GAREM1: variants seen among roughly 807,000 people sequenced by gnomAD.
The protein encoded by GAREM1 is GRB2-associated and regulator of MAPK protein 1.
A neutral mutation model predicts 71.3 loss-of-function variants in GAREM1; 26 were observed. That is an observed-to-expected ratio of 0.36 (90% CI 0.27 to 0.51). GAREM1 has a LOEUF of 0.51. Among genes scored for constraint, GAREM1 ranks in the 20% least tolerant of loss-of-function variants. GAREM1 has a pLI of 0.95. For missense variants in GAREM1, 1,026 were observed against 1,103.1 expected, an observed-to-expected ratio of 0.93 and a Z score of 0.99; for synonymous variants, 440 against 433.2, an observed-to-expected ratio of 1.02 and a Z score of -0.20.
intron 2 of GAREM1, among the ~76,000 whole-genome samples, chr18:32,322,554 A>G (rs183731101): frequency 1.5e-4 from 23 of 152,346 alleles, no homozygotes; most frequent in Admixed American, 1.2e-3. Context: ...ACAGATTTTT[A>G]TCAAAGCATG....
At chr18:32,296,263 C>T (rs886912662) in intron 3 of GAREM1, among the ~76,000 whole-genome samples, 4 of 152,076 alleles carry the variant, frequency 2.6e-5, no homozygotes, top group African/African-American at 9.7e-5. Flanking sequence ...GCCCAGGTAG[C>T]TTTTTATTTG....
At chr18:32,269,320 A>G (rs948454231) in intron 5 of GAREM1, among the ~76,000 whole-genome samples, 1 of 152,244 alleles carries the variant, frequency 6.6e-6, no homozygotes, top group Non-Finnish European at 1.5e-5. Context: ...AAAGATTTAA[A>G]TGTCCAGAGA....
chr18:32,430,870 A>T (rs2048617499), intron 1 of GAREM1, among the ~76,000 whole-genome samples: 1 of 152,192 alleles, frequency 6.6e-6, no homozygotes, highest in South Asian at 2.1e-4. Flanking sequence ...AATTGTGGGG[A>T]GTGCAGGGCA....
intron 1 of GAREM1, among the ~76,000 whole-genome samples, chr18:32,431,725 AT>A (rs1420794750): frequency 1.3e-5 from 2 of 152,212 alleles, no homozygotes; most frequent in Non-Finnish European, 2.9e-5. Flanking sequence ...CAAATACCAA[AT>A]TGGGTGAGCT....
At chr18:32,308,544 T>C (rs192882983) in intron 3 of GAREM1, among the ~76,000 whole-genome samples, 2 of 150,152 alleles carry the variant, frequency 1.3e-5, no homozygotes, top group Middle Eastern at 3.4e-3. Flanking sequence ...TTTTTTCATT[T>C]AGAGAATTCT....
intron 1 of GAREM1, among the ~76,000 whole-genome samples, chr18:32,459,490 T>A (rs1377087062): frequency 2.0e-5 from 3 of 152,004 alleles, no homozygotes; most frequent in Non-Finnish European, 4.4e-5. Context: ...AAAATAAGAG[T>A]AGAATCTCTT....
chr18:32,405,494 G>A (rs1041047651), intron 1 of GAREM1, among the ~76,000 whole-genome samples: 21 of 152,092 alleles, frequency 1.4e-4, no homozygotes, highest in Admixed American at 7.9e-4. Flanking sequence ...CACCGAGCCC[G>A]GCCTTCTCTT....
At chr18:32,300,724 T>C (rs1026048743) in intron 3 of GAREM1, among the ~76,000 whole-genome samples, 1 of 151,802 alleles carries the variant, frequency 6.6e-6, no homozygotes, top group Admixed American at 6.6e-5. Context: ...CTGACCAACA[T>C]GGAGAAACCC....
intron 2 of GAREM1, among the ~76,000 whole-genome samples, chr18:32,317,647 CTG>C (rs1352229609): frequency 6.7e-6 from 1 of 149,968 alleles, no homozygotes; most frequent in Non-Finnish European, 1.5e-5. Context: ...CATTTTCTCA[CTG>C]TGTTTTGCAA....
chr18:32,284,786 G>A (rs2046993855), intron 4 of GAREM1, among the ~76,000 whole-genome samples: 2 of 144,446 alleles, frequency 1.4e-5, no homozygotes, highest in East Asian at 4.1e-4. Flanking sequence ...GTCTCGCTCT[G>A]TCGCCCAGGC....
chr18:32,308,212 T>C (rs2047276340), intron 3 of GAREM1, among the ~76,000 whole-genome samples: 1 of 134,340 alleles, frequency 7.4e-6, no homozygotes, highest in South Asian at 2.4e-4. Flanking sequence ...TCTTAAATGA[T>C]ATTCTCTATT....
Position 32,297,508 on chromosome 18 carries a change from C to T in GAREM1, c.394-9305G>A, listed in dbSNP as rs1348666286. On this transcript the variant is annotated intron_variant, in intron 3 of 5. Coordinates refer to ENST00000269209, the MANE Select transcript of GAREM1 (RefSeq NM_001242409.2). The stretch of plus-strand genomic sequence containing the variant: ...TTTTTAAGTGTTTCACATTGCCTTT[C>T]ACACCTCTGTATTTTCACATAGATT... 2.0e-5 allele frequency among the ~76,000 whole-genome samples: 3 copies of T among 152,318 alleles called. No homozygotes were observed. The South Asian group carries it at 6.2e-4, about 32-fold the overall frequency.
At chr18:32,379,038 G>A (rs760709980) in intron 2 of GAREM1, among the ~76,000 whole-genome samples, 30 of 152,114 alleles carry the variant, frequency 2.0e-4, no homozygotes, top group South Asian at 4.2e-4. Flanking sequence ...CCAACTGGGC[G>A]GCTCTGGGTT....
chr18:32,379,463 G>T (rs1259953251), intron 2 of GAREM1, among the ~76,000 whole-genome samples: 2 of 129,394 alleles, frequency 1.5e-5, no homozygotes, highest in African/African-American at 2.9e-5. Flanking sequence ...GGGAGGCCGG[G>T]GGGGGTGGGG....
rs1306647582 is a variant in GAREM1 at position 32,470,676 on chromosome 18, A to T, written c.-248T>A. ...GTGCCCTCACGCCCGGAGAAGACTC[A>T]GAGCAGCCGCGCGGCTGCGGGCGGC... On this transcript the variant is annotated 5_prime_UTR_variant, in exon 1 of 6. Transcript: ENST00000269209. The surrounding 1 kb of genome is among the most constrained non-coding windows in gnomAD (Gnocchi z 4.4). Among the ~76,000 whole-genome samples, 1 of 149,256 alleles carries T rather than the reference A, an allele frequency of 6.7e-6. No individual in the cohort carries two copies. Among genetic ancestry groups the T allele is most frequent in the Non-Finnish European group, 1.5e-5 (1 of 67,148 alleles).
At chr18:32,279,642 T>C (rs1244953994) in intron 4 of GAREM1, among the ~76,000 whole-genome samples, 1 of 152,118 alleles carries the variant, frequency 6.6e-6, no homozygotes, top group East Asian at 1.9e-4. Flanking sequence ...TATATTACAA[T>C]GTAATAATAA....
intron 1 of GAREM1, among the ~76,000 whole-genome samples, chr18:32,420,101 C>T (rs1315744185): frequency 6.6e-6 from 1 of 152,074 alleles, no homozygotes; most frequent in East Asian, 1.9e-4. Context: ...GCAGCCAAAA[C>T]CTATTAGTCT....
chr18:32,358,718 A>T (rs1304927247), intron 2 of GAREM1, among the ~76,000 whole-genome samples: 1 of 152,110 alleles, frequency 6.6e-6, no homozygotes, highest in East Asian at 1.9e-4. Flanking sequence ...GTTTACGTCA[A>T]TCCTGGTGGC....
intron 1 of GAREM1, among the ~76,000 whole-genome samples, chr18:32,409,597 T>A (rs2048398516): frequency 6.6e-6 from 1 of 152,160 alleles, no homozygotes; most frequent in Non-Finnish European, 1.5e-5. Flanking sequence ...GGATATATTA[T>A]TACCTCTTTT....
Sources: gnomAD v4.1 joint callset for allele counts (sites outside exome capture counted in the v4.1 genomes callset) on GRCh38, gnomAD v4.1.1 for gene constraint, Gnocchi (gnomAD v3.1) non-coding constraint, MANE v1.5 for transcripts, NCBI Gene and HGNC (gene_info 2026-07-23, HGNC 2026-07-21) for gene names.